FOXK2: variants seen among roughly 807,000 people sequenced by gnomAD.
The protein encoded by FOXK2 is forkhead box protein K2.
Under a neutral mutation model 53.3 loss-of-function variants are expected in FOXK2, and 24 were observed. That is an observed-to-expected ratio of 0.45 (90% CI 0.33 to 0.63). The LOEUF (loss-of-function observed/expected upper bound fraction) is 0.63. FOXK2 is among the 30% of genes least tolerant of loss of function. The probability of loss-of-function intolerance (pLI) is 0.03; values close to 1 mark genes in which losing one functional copy is unlikely to be tolerated. For missense variants in FOXK2, 952 were observed against 910.5 expected (o/e 1.05, Z -0.59); for synonymous variants, 505 against 407.1 (o/e 1.24, Z -2.89).
intron 4 of FOXK2, chr17:82,572,087 T>G: frequency 2.3e-6 from 1 of 432,462 alleles, no homozygotes; most frequent in Admixed American, 4.3e-5. Context: ...GAGGAGCGTC[T>G]AGGCCTGCAT....
chr17:82,550,680 A>AT (rs2044668431), intron 1 of FOXK2, among the ~76,000 whole-genome samples: 1 of 151,352 alleles, frequency 6.6e-6, no homozygotes, highest in African/African-American at 2.4e-5. Context: ...TTTTTGTTGT[A>AT]TTTTTTAATA....
Position 82,601,528 on chromosome 17 carries a change from T to C in FOXK2, c.*29T>C, listed in dbSNP as rs2045384928. ...CCGGGAGAGCTTTTCTTTAACGATATCAACTCTGTGGTGCCAAAAGGAGAC... is the reference window on the plus strand; with the variant it reads ...CCGGGAGAGCTTTTCTTTAACGATACCAACTCTGTGGTGCCAAAAGGAGAC... On this transcript the variant is annotated 3_prime_UTR_variant, in exon 9 of 9. Transcript: ENST00000335255. The C allele has an allele frequency of 6.3e-7, 1 of 1,576,738 alleles. No homozygotes were observed. The highest frequency in any genetic ancestry group is 1.3e-5 in the African/African-American group (1 of 74,484).
chr17:82,525,658 A>C (rs1275024263), intron 1 of FOXK2, among the ~76,000 whole-genome samples: 2 of 152,218 alleles, frequency 1.3e-5, no homozygotes, highest in Non-Finnish European at 2.9e-5. Context: ...AGTTGTTTAT[A>C]CTTTGAAAAT....
intron 8 of FOXK2, among the ~76,000 whole-genome samples, chr17:82,589,644 C>T (rs1200764478): frequency 6.6e-6 from 1 of 151,758 alleles, no homozygotes; most frequent in African/African-American, 2.4e-5. Flanking sequence ...GGGCCTGTTT[C>T]CACTCAGGAA....
At chr17:82,585,322 T>A (rs2045121608) in intron 6 of FOXK2, 1 of 152,228 alleles carries the variant, frequency 6.6e-6, no homozygotes, top group African/African-American at 2.4e-5. Flanking sequence ...TCTTCTTTTT[T>A]TTTTTTTGTT....
intron 1 of FOXK2, among the ~76,000 whole-genome samples, chr17:82,527,119 CAT>C (rs1167280287): frequency 1.3e-5 from 2 of 152,076 alleles, no homozygotes; most frequent in Non-Finnish European, 2.9e-5. Flanking sequence ...CATGTGTTGG[CAT>C]AAATAAAGGG....
At chr17:82,586,235 C>A (rs746290716) in intron 7 of FOXK2, 35 bp downstream of exon 7, 6 of 1,186,300 alleles carry the variant, frequency 5.1e-6, no homozygotes, top group Admixed American at 2.7e-5. Flanking sequence ...GGGGAGACCA[C>A]AGGGAGGTGA....
rs1426602301 is a variant in FOXK2 at position 82,595,955 on chromosome 17, C to G, written c.1787-5348C>G. ...CGACAGGTGGAAGGTTGTCCAGAGA[C>G]ACCTACAGCGTGGATGCTGTTCCGA... On this transcript the variant is annotated intron_variant, in intron 8 of 8. Coordinates refer to ENST00000335255, the MANE Select transcript of FOXK2 (RefSeq NM_004514.4). The G allele has an allele frequency of 3.2e-6, 4 of 1,234,964 alleles. No individual in the cohort carries two copies. The Admixed American group carries it at 1.1e-4, about 33-fold the overall frequency. The allele number at this position is 1,234,964 out of a possible 1,614,324, so 76.5% of individuals were successfully genotyped here. A position where few individuals can be genotyped will look rare whatever the true frequency, so the allele number is the denominator to read the frequency against.
At chr17:82,596,522 G>T (rs1243991124) in intron 8 of FOXK2, among the ~76,000 whole-genome samples, 1 of 152,272 alleles carries the variant, frequency 6.6e-6, no homozygotes, top group Admixed American at 6.5e-5. Flanking sequence ...CGCACACGTG[G>T]GGACTGTTTC....
intron 5 of FOXK2, among the ~76,000 whole-genome samples, chr17:82,583,596 TA>T (rs2045092795): frequency 6.6e-6 from 1 of 152,234 alleles, no homozygotes; most frequent in African/African-American, 2.4e-5. Flanking sequence ...AGTTGACTTA[TA>T]CAGTGTTAAT....
At chr17:82,570,802 T>G (rs907800855) in intron 3 of FOXK2, among the ~76,000 whole-genome samples, 62 of 152,212 alleles carry the variant, frequency 4.1e-4, no homozygotes, top group Admixed American at 1.4e-3. Flanking sequence ...AGTGGGCTCG[T>G]GCCTGTAAGT....
rs547729160 is a variant in FOXK2 at position 82,585,884 on chromosome 17, C to G, written c.1280-20C>G. The G allele has an allele frequency of 6.3e-7, 1 of 1,599,598 alleles. No individual in the cohort carries two copies. Among genetic ancestry groups the G allele is most frequent in the East Asian group, 2.3e-5 (1 of 43,478 alleles). Reference sequence around the variant, plus strand: ...GAAGTCAGTATCTGTAAGTGTCAGTCCTGCTGTGTCTTTCACCAGGGTCAC... The same window carrying G: ...GAAGTCAGTATCTGTAAGTGTCAGTGCTGCTGTGTCTTTCACCAGGGTCAC... On this transcript the variant is annotated intron_variant, in intron 6 of 8. Coordinates refer to ENST00000335255, the MANE Select transcript of FOXK2 (RefSeq NM_004514.4).
intron 4 of FOXK2, among the ~76,000 whole-genome samples, chr17:82,582,455 G>C (rs2045075265): frequency 6.6e-6 from 1 of 152,178 alleles, no homozygotes; most frequent in Non-Finnish European, 1.5e-5. Flanking sequence ...CACCCAGGCG[G>C]GAGGGCTGCT....
rs560197237 is a variant in FOXK2 at position 82,550,660 on chromosome 17, G to A, written c.420-12694G>A. Among the ~76,000 whole-genome samples, 423 of 151,896 alleles carry A rather than the reference G, an allele frequency of 2.8e-3. 2 individuals are homozygous for A. The highest frequency in any genetic ancestry group is 9.6e-3 in the African/African-American group (398 of 41,422). The stretch of plus-strand genomic sequence containing the variant: ...TGGGACTACAGGCGCCCGCCACCAC[G>A]CCCGGCTAATTTTTGTTGTATTTTT... On this transcript the variant is annotated intron_variant, in intron 1 of 8. Transcript: ENST00000335255.
At chr17:82,545,826 C>T (rs1005748035) in intron 1 of FOXK2, among the ~76,000 whole-genome samples, 1 of 152,050 alleles carries the variant, frequency 6.6e-6, no homozygotes, top group African/African-American at 2.4e-5. Context: ...ACATGATCGA[C>T]TTGCCTTGGC....
chr17:82,567,407 G>A (rs1036551145), intron 2 of FOXK2, among the ~76,000 whole-genome samples: 1 of 152,216 alleles, frequency 6.6e-6, no homozygotes, highest in Non-Finnish European at 1.5e-5. Flanking sequence ...CACTCCCTGA[G>A]CCCCCGTCCA....
intron 1 of FOXK2, among the ~76,000 whole-genome samples, chr17:82,539,979 T>A (rs918341948): frequency 3.6e-5 from 5 of 138,544 alleles, no homozygotes; most frequent in African/African-American, 1.4e-4. Context: ...AAAAAAAAAA[T>A]ATCGATAATT....
intron 1 of FOXK2, among the ~76,000 whole-genome samples, chr17:82,560,326 G>A (rs1039585106): frequency 6.6e-6 from 1 of 152,116 alleles, no homozygotes. Context: ...TGTTATTTAA[G>A]GGAAGCGGTC....
At chr17:82,535,189 G>C (rs536970206) in intron 1 of FOXK2, among the ~76,000 whole-genome samples, 2 of 152,236 alleles carry the variant, frequency 1.3e-5, no homozygotes, top group East Asian at 1.9e-4. Flanking sequence ...CTTGGCCTTC[G>C]TGATTTCTGA....
Sources: allele counts gnomAD v4.1 joint callset (sites outside exome capture counted in the v4.1 genomes callset), GRCh38; gene constraint gnomAD v4.1.1; transcripts MANE v1.5; gene names NCBI Gene and HGNC (gene_info 2026-07-23, HGNC 2026-07-21).